VAV3: variants seen among roughly 807,000 people sequenced by gnomAD.
VAV3 encodes the protein vav guanine nucleotide exchange factor 3.
Under a neutral mutation model 131.2 loss-of-function variants are expected in VAV3, and 94 were observed. That is an observed-to-expected ratio of 0.72 (90% CI 0.61 to 0.85). The LOEUF (loss-of-function observed/expected upper bound fraction) is 0.85, where lower values mean the gene tolerates loss of function less well. VAV3 is among the 40% of genes least tolerant of loss of function. VAV3 has a pLI of 0.00. For synonymous variants in VAV3, 349 were observed against 342.0 expected (o/e 1.02, Z -0.22); for missense variants, 939 against 1,002.7 (o/e 0.94, Z 0.86).
intron 2 of VAV3, chr1:107,785,682 G>C: frequency 4.5e-6 from 5 of 1,099,450 alleles, no homozygotes; most frequent in Non-Finnish European, 5.6e-6. Flanking sequence ...CCAGAAGAGG[G>C]AACTGGGAGT....
intron 17 of VAV3, among the ~76,000 whole-genome samples, chr1:107,703,241 T>C (rs1335836278): frequency 2.0e-5 from 3 of 152,166 alleles, no homozygotes; most frequent in Admixed American, 2.0e-4. Flanking sequence ...TAAATTCTAT[T>C]GGGGTGGCAA....
chr1:107,960,142 T>C (rs1303983191), intron 1 of VAV3, among the ~76,000 whole-genome samples: 1 of 152,204 alleles, frequency 6.6e-6, no homozygotes. Context: ...CTCCAGTCTG[T>C]TCTCAATGCA....
chr1:107,595,214 G>T (rs538048068), intron 25 of VAV3, among the ~76,000 whole-genome samples: 2 of 152,156 alleles, frequency 1.3e-5, no homozygotes, highest in South Asian at 4.1e-4. Context: ...TCACTGTGAG[G>T]AAAACATATA....
At chr1:107,907,916 C>T (rs1304499363) in intron 1 of VAV3, among the ~76,000 whole-genome samples, 1 of 152,078 alleles carries the variant, frequency 6.6e-6, no homozygotes, top group Non-Finnish European at 1.5e-5. Flanking sequence ...GAAAGATATG[C>T]GTTATACTAA....
intron 10 of VAV3, among the ~76,000 whole-genome samples, chr1:107,759,164 C>A (rs1664280509): frequency 6.6e-6 from 1 of 152,176 alleles, no homozygotes; most frequent in Non-Finnish European, 1.5e-5. Flanking sequence ...CGAGTAGGGT[C>A]TGTCGTATAT....
chr1:107,621,734 T>C (rs1000544715), intron 20 of VAV3, among the ~76,000 whole-genome samples: 1 of 152,274 alleles, frequency 6.6e-6, no homozygotes, highest in East Asian at 1.9e-4. Flanking sequence ...TAGGGAATCA[T>C]CTTTTAGTTA....
intron 2 of VAV3, among the ~76,000 whole-genome samples, chr1:107,799,961 T>C (rs1435973026): frequency 6.6e-6 from 1 of 152,188 alleles, no homozygotes; most frequent in Non-Finnish European, 1.5e-5. Flanking sequence ...TTTTCTGTGC[T>C]TGGCTCACTT....
intron 1 of VAV3, among the ~76,000 whole-genome samples, chr1:107,957,392 CT>C (rs1221965111): frequency 6.6e-6 from 1 of 152,170 alleles, no homozygotes; most frequent in Admixed American, 6.5e-5. Context: ...CAATCCACCC[CT>C]CTCTATTGTG....
chr1:107,936,749 T>C (rs963752335), intron 1 of VAV3, among the ~76,000 whole-genome samples: 8 of 152,156 alleles, frequency 5.3e-5, no homozygotes, highest in African/African-American at 1.7e-4. Context: ...CCAAAGAAGT[T>C]GTCAGGACCA....
intron 17 of VAV3, among the ~76,000 whole-genome samples, chr1:107,702,645 TG>T (rs11364677): frequency 0.33 from 50,323 of 151,966 alleles, 9,344 homozygotes; most frequent in African/African-American, 0.51. Context: ...GATTTCCTAT[TG>T]ACTTTTATAA....
At chr1:107,634,867 A>G (rs1654793030) in intron 20 of VAV3, among the ~76,000 whole-genome samples, 1 of 152,128 alleles carries the variant, frequency 6.6e-6, no homozygotes, top group African/African-American at 2.4e-5. Flanking sequence ...ACACATGAAA[A>G]AATGCTCATC....
chr1:107,649,126 G>A (rs1199124900), intron 19 of VAV3, among the ~76,000 whole-genome samples: 5 of 152,016 alleles, frequency 3.3e-5, no homozygotes, highest in South Asian at 2.1e-4. Context: ...AGCCTGACAC[G>A]TCTGTATGCA....
intron 1 of VAV3, among the ~76,000 whole-genome samples, chr1:107,899,024 AAAAC>A (rs995617988): frequency 1.3e-5 from 2 of 152,166 alleles, no homozygotes; most frequent in African/African-American, 4.8e-5. Context: ...ATACATTAGA[AAAAC>A]AAACAAATGA....
chr1:107,844,127 T>C (rs965698736), intron 2 of VAV3, among the ~76,000 whole-genome samples: 5 of 151,862 alleles, frequency 3.3e-5, no homozygotes, highest in African/African-American at 1.2e-4. Context: ...ACCCAGCTCA[T>C]TTCATTGGGG....
intron 15 of VAV3, among the ~76,000 whole-genome samples, chr1:107,743,540 A>G (rs566508560): frequency 2.1e-4 from 32 of 152,306 alleles, no homozygotes; most frequent in Non-Finnish European, 3.5e-4. Context: ...TATATTTAGA[A>G]ATAATAATAC....
chr1:107,698,969 G>C (rs976456386), intron 17 of VAV3, among the ~76,000 whole-genome samples: 1 of 152,122 alleles, frequency 6.6e-6, no homozygotes, highest in African/African-American at 2.4e-5. Flanking sequence ...GGGGATTATG[G>C]GGATTACAAT....
In VAV3 at chr1:107,874,987, G is replaced by C. The variant is rs151122345; in HGVS notation, c.235C>G (p.Leu79Val). The C allele has an allele frequency of 6.2e-7, 1 of 1,613,204 alleles. No individual in the cohort carries two copies. Among genetic ancestry groups the C allele is most frequent in the African/African-American group, 1.3e-5 (1 of 74,870 alleles). Reference protein sequence around the residue: ...FLCLKNIRTFLTACCETFGMR... With the variant: ...FLCLKNIRTFVTACCETFGMR... ...CCAAACGTCTCACAACAGGCCGTGA[G>C]AAATGTCCTTATGTTCTTCAAACAG... The change falls in exon 2 of 27, where the codon CTC (leucine) becomes GTC (valine). Residue 79 changes from leucine (L) to valine (V), a missense_variant. Transcript: ENST00000370056.
Position 107,623,967 on chromosome 1 carries a change from T to C in VAV3, c.1915-6335A>G, listed in dbSNP as rs547195855. ...GGTCTAGGATCTCTGAAATTAAATT[T>C]ACCTTCAATTTGTATGGGTTTATAA... is the stretch of plus-strand genomic sequence containing the variant. On this transcript the variant is annotated intron_variant, in intron 20 of 26. Coordinates refer to ENST00000370056, the MANE Select transcript of VAV3 (RefSeq NM_006113.5). Among the ~76,000 whole-genome samples the C allele has an allele frequency of 2.1e-4, 32 of 152,338 alleles. 1 individual carries two copies. In the South Asian group the frequency reaches 6.4e-3, roughly 31 times the overall value.
intron 2 of VAV3, among the ~76,000 whole-genome samples, chr1:107,861,182 C>T (rs1487457287): frequency 1.3e-5 from 2 of 151,586 alleles, no homozygotes; most frequent in African/African-American, 2.4e-5. Flanking sequence ...GGAATATATG[C>T]TTTTGATTGC....
Sources: allele counts gnomAD v4.1 joint callset (sites outside exome capture counted in the v4.1 genomes callset), GRCh38; gene constraint gnomAD v4.1.1; transcripts MANE v1.5; gene names NCBI Gene and HGNC (gene_info 2026-07-23, HGNC 2026-07-21).